The following KDM2B variants were observed in gnomAD, a reference collection of about 807,000 sequenced individuals.
KDM2B encodes lysine demethylase 2B, also known as lysine-specific demethylase 2B.
Under a neutral mutation model 150.0 loss-of-function variants are expected in KDM2B, and 26 were observed. The observed-to-expected ratio is 0.17, with a 90% confidence interval of 0.13 to 0.24. KDM2B has a LOEUF of 0.24. Among genes scored for constraint, KDM2B ranks in the 10% least tolerant of loss-of-function variants. The pLI is 1.00. For synonymous variants in KDM2B, 734 were observed against 729.5 expected (o/e 1.01, Z -0.10); for missense variants, 1,265 against 1,816.9 (o/e 0.70, Z 5.52).
chr12:121,533,510 G>A lies in KDM2B; in HGVS notation c.778-551C>T, dbSNP rs958617362. On this transcript the variant is annotated intron_variant, in intron 7 of 22. Transcript: ENST00000377071. The surrounding 1 kb of genome is among the most constrained non-coding windows in gnomAD (Gnocchi z 4.1). ...CCATCAGGGACACCCACATCCCCAC[G>A]TGGACACGCAACAAAAGCAGACACA... is the stretch of plus-strand genomic sequence containing the variant. Among the ~76,000 whole-genome samples, 1 of 152,110 alleles carries A rather than the reference G, an allele frequency of 6.6e-6. No individual in the cohort carries two copies. Among genetic ancestry groups the A allele is most frequent in the Non-Finnish European group, 1.5e-5 (1 of 68,020 alleles).
chr12:121,569,376 C>G (rs1041973817), intron 4 of KDM2B, among the ~76,000 whole-genome samples: 5 of 152,200 alleles, frequency 3.3e-5, no homozygotes, highest in African/African-American at 1.2e-4. Flanking sequence ...TGGGCCCCTT[C>G]TTCACCCACC....
intron 8 of KDM2B, among the ~76,000 whole-genome samples, chr12:121,527,132 C>T (rs1050878560): frequency 6.6e-6 from 1 of 151,464 alleles, no homozygotes; most frequent in Admixed American, 6.6e-5. Flanking sequence ...ACTGCAAGCT[C>T]TGCCTCCCGG....
chr12:121,473,217 C>T (rs1183470459), intron 12 of KDM2B, among the ~76,000 whole-genome samples: 2 of 151,730 alleles, frequency 1.3e-5, no homozygotes, highest in Non-Finnish European at 2.9e-5. Context: ...ATGGTGAAAT[C>T]CCATCTCTAT....
At chr12:121,431,194 C>T (rs952639661) in intron 22 of KDM2B, among the ~76,000 whole-genome samples, 13 of 151,620 alleles carry the variant, frequency 8.6e-5, no homozygotes, top group African/African-American at 3.2e-4. Flanking sequence ...TGCAATGGTG[C>T]ACTCTTGGCT....
intron 11 of KDM2B, among the ~76,000 whole-genome samples, chr12:121,495,153 T>G (rs531911320): frequency 5.1e-4 from 77 of 151,036 alleles, no homozygotes; most frequent in Middle Eastern, 3.5e-3. Context: ...CATGGCACCC[T>G]CCCTGGCTAA....
At chr12:121,531,326 A>G (rs1887644776) in intron 8 of KDM2B, among the ~76,000 whole-genome samples, 1 of 152,208 alleles carries the variant, frequency 6.6e-6, no homozygotes, top group African/African-American at 2.4e-5. Flanking sequence ...GTTTCTGCCC[A>G]ACTTTCTAGA....
chr12:121,537,660 A>G lies in KDM2B; in HGVS notation c.684-3070T>C, dbSNP rs1267515162. 2 of 151,646 alleles carry G rather than the reference A, an allele frequency of 1.3e-5. No individual in the cohort carries two copies. The highest frequency in any genetic ancestry group is 2.4e-5 in the African/African-American group (1 of 41,294). The allele number at this position is 151,646 out of a possible 1,614,324, so 9.4% of individuals were successfully genotyped here. On this transcript the variant is annotated intron_variant, in intron 6 of 22. Coordinates refer to ENST00000377071, the MANE Select transcript of KDM2B (RefSeq NM_032590.5). This position sits in a 1 kb window ranked among gnomAD's most constrained non-coding sequence, Gnocchi z 8.7. ...GCCCCGCCCCACCTTTTTCCCTCCAACTTGGCGTAACTCCCCCGGTGGCTC... is the reference window on the plus strand; with the variant it reads ...GCCCCGCCCCACCTTTTTCCCTCCAGCTTGGCGTAACTCCCCCGGTGGCTC...
chr12:121,575,935 G>T lies in KDM2B; in HGVS notation c.272-76C>A. 1.8e-6 allele frequency: 2 copies of T among 1,090,846 alleles called. No homozygotes were observed. Among genetic ancestry groups the T allele is most frequent in the Non-Finnish European group, 2.8e-6 (2 of 706,162 alleles). 67.6% of individuals were successfully genotyped at this position (1,090,846 alleles called of 1,614,324 possible). A position where few individuals can be genotyped will look rare whatever the true frequency, so the allele number is the denominator to read the frequency against. On this transcript the variant is annotated intron_variant, in intron 2 of 22. Transcript: ENST00000377071. The surrounding 1 kb of genome is among the most constrained non-coding windows in gnomAD (Gnocchi z 4.4). Reference sequence around the variant, plus strand: ...ATGAACCGGGATCTGTTGGTTAGGGGAAGAAAACTGATGGACGAAGGGGCA... The same window carrying T: ...ATGAACCGGGATCTGTTGGTTAGGGTAAGAAAACTGATGGACGAAGGGGCA...
intron 12 of KDM2B, among the ~76,000 whole-genome samples, chr12:121,454,959 G>A (rs1420543544): frequency 6.6e-6 from 1 of 152,204 alleles, no homozygotes; most frequent in Non-Finnish European, 1.5e-5. Flanking sequence ...TGCATAGGAA[G>A]AAAAACAGCC....
At chr12:121,474,674 T>C (rs1390989685) in intron 12 of KDM2B, among the ~76,000 whole-genome samples, 2 of 152,042 alleles carry the variant, frequency 1.3e-5, no homozygotes, top group Non-Finnish European at 2.9e-5. Flanking sequence ...CAAAAATAGC[T>C]GGGCATGGTG....
At chr12:121,426,620 A>ATTT (rs34070273), downstream of KDM2B, among the ~76,000 whole-genome samples, 6 of 113,534 alleles carry the variant, frequency 5.3e-5, no homozygotes, top group Admixed American at 2.8e-4. Flanking sequence ...ATTTTAAACA[A>ATTT]TTTTTTTTTT....
chr12:121,427,863 G>A (rs1433506060), downstream of KDM2B, among the ~76,000 whole-genome samples: 4 of 152,196 alleles, frequency 2.6e-5, no homozygotes, highest in African/African-American at 9.7e-5. Flanking sequence ...ACTAATGAGT[G>A]ACTACGGGAT....
At chr12:121,446,393 G>A (rs1376086122) in intron 13 of KDM2B, among the ~76,000 whole-genome samples, 10 of 152,052 alleles carry the variant, frequency 6.6e-5, no homozygotes, top group East Asian at 3.9e-4. Context: ...GCGAGACTCC[G>A]TCAAAAAAAA....
At chr12:121,517,907 G>A (rs535474064) in intron 9 of KDM2B, among the ~76,000 whole-genome samples, 2 of 151,026 alleles carry the variant, frequency 1.3e-5, no homozygotes, top group African/African-American at 4.9e-5. Flanking sequence ...TTTTTTGAGG[G>A]GGGGGATGGA....
chr12:121,420,076 A>G, the KDM2B span: 50 of 564,716 alleles, frequency 8.9e-5, no homozygotes, highest in Middle Eastern at 9.9e-4. Context: ...TTCTTCATGC[A>G]ATTTTGTAGG....
chr12:121,461,862 G>A (rs1879164033), intron 12 of KDM2B, among the ~76,000 whole-genome samples: 1 of 152,224 alleles, frequency 6.6e-6, no homozygotes, highest in African/African-American at 2.4e-5. Context: ...CTTCAAGACT[G>A]AAAACATTCA....
intron 12 of KDM2B, among the ~76,000 whole-genome samples, chr12:121,454,982 C>G (rs1254818147): frequency 6.6e-6 from 1 of 152,158 alleles, no homozygotes; most frequent in African/African-American, 2.4e-5. Context: ...CCTTTCTCCT[C>G]AAATACAGCC....
chr12:121,474,330 T>G (rs949270908), intron 12 of KDM2B, among the ~76,000 whole-genome samples: 12 of 151,728 alleles, frequency 7.9e-5, no homozygotes, highest in East Asian at 2.0e-4. Flanking sequence ...TGGTGAACAC[T>G]GTGAAAACCC....
intron 20 of KDM2B, 21 bp from the exon 21 acceptor site, chr12:121,440,998 G>A (rs2137996551): frequency 6.2e-7 from 1 of 1,612,976 alleles, no homozygotes; most frequent in Non-Finnish European, 8.5e-7. Flanking sequence ...ATAGAAAAGG[G>A]TGAAGGTCAG....
Sources: gnomAD v4.1 joint callset for allele counts (sites outside exome capture counted in the v4.1 genomes callset) on GRCh38, gnomAD v4.1.1 for gene constraint, Gnocchi (gnomAD v3.1) non-coding constraint, MANE v1.5 for transcripts, NCBI Gene and HGNC (gene_info 2026-07-23, HGNC 2026-07-21) for gene names.